Variants in EHBP1 observed in about 807,000 individuals in gnomAD.
EHBP1 encodes EH domain-binding protein 1.
EHBP1 carries 55 observed loss-of-function variants against 144.0 expected under a neutral mutation model. The observed-to-expected ratio is 0.38, with a 90% CI of 0.31 to 0.48. EHBP1 has a LOEUF of 0.48. Among genes scored for constraint, EHBP1 ranks in the 20% least tolerant of loss-of-function variants. The pLI is 0.98. For synonymous variants in EHBP1, 469 were observed against 472.7 expected (o/e 0.99, Z 0.10); for missense variants, 1,200 against 1,364.2 (o/e 0.88, Z 1.90).
intron 15 of EHBP1, among the ~76,000 whole-genome samples, chr2:62,985,295 TAAG>T (rs1288587266): frequency 6.6e-6 from 1 of 152,112 alleles, no homozygotes; most frequent in Non-Finnish European, 1.5e-5. Flanking sequence ...TGCTTTCACA[TAAG>T]AAGGCATATG....
chr2:62,717,016 C>T (rs1220725426), intron 2 of EHBP1, among the ~76,000 whole-genome samples: 2 of 152,170 alleles, frequency 1.3e-5, no homozygotes, highest in African/African-American at 4.8e-5. Flanking sequence ...GACCCTCTGC[C>T]TTGGCCCCTC....
At chr2:62,862,297 G>A (rs2049627740) in intron 8 of EHBP1, among the ~76,000 whole-genome samples, 1 of 152,078 alleles carries the variant, frequency 6.6e-6, no homozygotes, top group South Asian at 2.1e-4. Flanking sequence ...TACAGTATAC[G>A]TGGTTTGACT....
intron 7 of EHBP1, among the ~76,000 whole-genome samples, chr2:62,840,736 A>G (rs1267298698): frequency 6.6e-6 from 1 of 151,548 alleles, no homozygotes; most frequent in Non-Finnish European, 1.5e-5. Flanking sequence ...AACACATGAA[A>G]AAATGCTCAT....
chr2:63,015,693 T>C (rs1204888163), intron 19 of EHBP1, among the ~76,000 whole-genome samples: 2 of 152,110 alleles, frequency 1.3e-5, no homozygotes, highest in Admixed American at 1.3e-4. Flanking sequence ...TTCATACAGA[T>C]TATAATGAGA....
intron 19 of EHBP1, among the ~76,000 whole-genome samples, chr2:63,006,947 C>T (rs1050144050): frequency 6.6e-5 from 10 of 151,770 alleles, no homozygotes; most frequent in Non-Finnish European, 1.3e-4. Flanking sequence ...AGCTGAAGTA[C>T]GTGAGTAGCA....
chr2:62,691,808 T>G (rs1188486991), intron 1 of EHBP1, among the ~76,000 whole-genome samples: 1 of 152,228 alleles, frequency 6.6e-6, no homozygotes, highest in African/African-American at 2.4e-5. Flanking sequence ...GAATATTATA[T>G]TTTGCTGAGC....
At chr2:62,790,602 A>G (rs2152451728) in intron 5 of EHBP1, among the ~76,000 whole-genome samples, 1 of 152,302 alleles carries the variant, frequency 6.6e-6, no homozygotes, top group East Asian at 1.9e-4. Flanking sequence ...TAACTTTAGT[A>G]ATCATTAATT....
intron 10 of EHBP1, among the ~76,000 whole-genome samples, chr2:62,900,113 T>G (rs937273079): frequency 6.6e-6 from 1 of 152,154 alleles, no homozygotes; most frequent in Non-Finnish European, 1.5e-5. Context: ...GCTAGTACAT[T>G]TAAGGGTTCT....
At chr2:62,735,728 A>G (rs942036694) in intron 2 of EHBP1, among the ~76,000 whole-genome samples, 1 of 151,998 alleles carries the variant, frequency 6.6e-6, no homozygotes, top group Non-Finnish European at 1.5e-5. Flanking sequence ...ACAAAATCCA[A>G]TTTTTGTTTG....
intron 14 of EHBP1, among the ~76,000 whole-genome samples, chr2:62,972,542 A>G (rs1490309600): frequency 3.3e-5 from 5 of 152,218 alleles, no homozygotes; most frequent in Non-Finnish European, 5.9e-5. Context: ...TTGATGGCAT[A>G]ATCAATTACT....
At chr2:62,895,321 G>T (rs1442241326) in intron 10 of EHBP1, among the ~76,000 whole-genome samples, 1 of 139,390 alleles carries the variant, frequency 7.2e-6, no homozygotes, top group East Asian at 2.1e-4. Flanking sequence ...CATCATCATC[G>T]CTGCAGAAGC....
intron 7 of EHBP1, among the ~76,000 whole-genome samples, chr2:62,852,612 CTTTTTA>C (rs1183187158): frequency 2.0e-5 from 3 of 151,806 alleles, no homozygotes; most frequent in African/African-American, 2.4e-5. Flanking sequence ...GTTAATATTT[CTTTTTA>C]TATGTTCAAA....
At chr2:62,933,125 AATTT>A (rs1574117166) in intron 10 of EHBP1, among the ~76,000 whole-genome samples, 2 of 151,736 alleles carry the variant, frequency 1.3e-5, no homozygotes, top group African/African-American at 4.8e-5. Flanking sequence ...AAATTTTATT[AATTT>A]ATTTAAAATT....
chr2:62,934,181 A>G (rs2056209223), intron 10 of EHBP1, among the ~76,000 whole-genome samples: 1 of 152,174 alleles, frequency 6.6e-6, no homozygotes, highest in African/African-American at 2.4e-5. Flanking sequence ...CCTGTAAGAA[A>G]GCTCCCTTTG....
intron 10 of EHBP1, among the ~76,000 whole-genome samples, chr2:62,941,347 T>C (rs1039519577): frequency 1.3e-5 from 2 of 152,176 alleles, no homozygotes; most frequent in Non-Finnish European, 2.9e-5. Context: ...ATTCCTTTTT[T>C]ATCTACTTCA....
In EHBP1 at chr2:62,948,943, A is replaced by G. The variant is rs772277041; in HGVS notation, c.2097A>G (p.Lys699=). Residue 699 remains lysine, a synonymous_variant, in exon 13 of 23, where the codon AAA becomes AAG. Transcript: ENST00000431489. ...TAGACATCGGTAGTAACTTGGAGAA[A>G]GAAAAATTAGAGAATTCCAGATCCT... ...QTLDIGSNLE[K]EKLENSRSLE... 2 of 1,614,080 alleles carry G rather than the reference A, an allele frequency of 1.2e-6. No homozygotes were observed. The highest frequency in any genetic ancestry group is 1.1e-5 in the South Asian group (1 of 91,082).
chr2:62,902,154 T>C (rs1051651549), intron 10 of EHBP1, among the ~76,000 whole-genome samples: 4 of 152,188 alleles, frequency 2.6e-5, no homozygotes, highest in African/African-American at 9.7e-5. Context: ...TTTTAAGTCA[T>C]GTTCAAGAGT....
intron 15 of EHBP1, among the ~76,000 whole-genome samples, chr2:62,985,668 T>G (rs984599884): frequency 6.6e-6 from 1 of 152,188 alleles, no homozygotes; most frequent in Non-Finnish European, 1.5e-5. Flanking sequence ...CACCATTCTC[T>G]GAACATAACC....
chr2:62,967,657 C>T (rs1452333243), intron 14 of EHBP1, among the ~76,000 whole-genome samples: 1 of 152,144 alleles, frequency 6.6e-6, no homozygotes, highest in African/African-American at 2.4e-5. Context: ...TCAAGTACAT[C>T]TCAGGAATGT....
Sources: allele counts gnomAD v4.1 joint callset (sites outside exome capture counted in the v4.1 genomes callset), GRCh38; gene constraint gnomAD v4.1.1; transcripts MANE v1.5; gene names NCBI Gene and HGNC (gene_info 2026-07-23, HGNC 2026-07-21).